Variants in EPB41L3 observed in about 807,000 individuals in gnomAD.
EPB41L3 encodes the protein band 4.1-like protein 3.
Under a neutral mutation model 127.1 loss-of-function variants are expected in EPB41L3, and 57 were observed. The ratio of observed to expected loss-of-function variants is 0.45; its 90% CI spans 0.36 to 0.56. EPB41L3 has a LOEUF of 0.56. Ranked by LOEUF, EPB41L3 falls within the 20% of genes least tolerant of loss-of-function variation. EPB41L3 has a pLI of 0.00. For synonymous variants in EPB41L3, 572 were observed against 549.5 expected, an observed-to-expected ratio of 1.04 and a Z score of -0.57; for missense variants, 1,273 against 1,372.2, an observed-to-expected ratio of 0.93 and a Z score of 1.14.
At chr18:5,603,126 A>G (rs138565061) in intron 3 of EPB41L3, among the ~76,000 whole-genome samples, 58 of 152,300 alleles carry the variant, frequency 3.8e-4, no homozygotes, top group South Asian at 1.2e-3. Flanking sequence ...AATACTTTGA[A>G]AGGGAGACTT....
At chr18:5,538,331 A>G (rs2093629941) in intron 1 of EPB41L3, among the ~76,000 whole-genome samples, 2 of 152,254 alleles carry the variant, frequency 1.3e-5, no homozygotes, top group African/African-American at 2.4e-5. Flanking sequence ...TGTCTCCAGG[A>G]TTTTCTCCAA....
intron 1 of EPB41L3, among the ~76,000 whole-genome samples, chr18:5,520,003 A>T (rs2092921731): frequency 6.6e-6 from 1 of 152,200 alleles, no homozygotes; most frequent in Admixed American, 6.5e-5. Context: ...TTGCTTTTTG[A>T]CGCAACCCAA....
At chr18:5,394,617 G>A (rs2073021220) in intron 22 of EPB41L3, 60 bp downstream of exon 22, 2 of 1,254,682 alleles carry the variant, frequency 1.6e-6, no homozygotes, top group Non-Finnish European at 2.3e-6. Flanking sequence ...GGATGAGAGG[G>A]AAGTGCCCCA....
chr18:5,466,879 T>C (rs1333125625), intron 3 of EPB41L3, among the ~76,000 whole-genome samples: 1 of 152,162 alleles, frequency 6.6e-6, no homozygotes, highest in Non-Finnish European at 1.5e-5. Context: ...CAGCAGTACT[T>C]CCACAAAAAG....
In EPB41L3 at chr18:5,397,295, C is replaced by A; in HGVS notation, c.2604G>T (p.Gly868=). 2 of 1,614,044 alleles carry A rather than the reference C, an allele frequency of 1.2e-6. No individual in the cohort carries two copies. Among genetic ancestry groups the A allele is most frequent in the South Asian group, 2.2e-5 (2 of 91,074 alleles). ...TGTCTCCCGCCGAGTAAGAAGCATC[C>A]CCACTCGCGTGCACCACACGCCGCT... ...VEERRVVHAS[G]DASYSAGDSG... is the part of the protein sequence containing the mutation. Residue 868 remains glycine, a synonymous_variant, in exon 18 of 23, where the codon GGG becomes GGT. Coordinates refer to ENST00000341928, the MANE Select transcript of EPB41L3 (RefSeq NM_012307.5). This position sits in a 1 kb window ranked among gnomAD's most constrained non-coding sequence, Gnocchi z 4.1.
intron 5 of EPB41L3, among the ~76,000 whole-genome samples, chr18:5,439,252 A>G (rs1462092258): frequency 6.6e-6 from 1 of 152,048 alleles, no homozygotes; most frequent in East Asian, 1.9e-4. Context: ...CCCTTACTCT[A>G]GGATTCTGAC....
chr18:5,453,625 C>T (rs2082596115), intron 3 of EPB41L3, among the ~76,000 whole-genome samples: 1 of 152,160 alleles, frequency 6.6e-6, no homozygotes, highest in Non-Finnish European at 1.5e-5. Flanking sequence ...CTGTCTACAC[C>T]GTAAGTACTT....
At chr18:5,594,054 A>C (rs1256726575) in intron 3 of EPB41L3, among the ~76,000 whole-genome samples, 3 of 152,196 alleles carry the variant, frequency 2.0e-5, no homozygotes, top group African/African-American at 7.2e-5. Context: ...CATCCTCCTC[A>C]GCTGACAGGA....
chr18:5,445,866 G>T (rs773204131), intron 3 of EPB41L3, among the ~76,000 whole-genome samples: 1 of 152,118 alleles, frequency 6.6e-6, no homozygotes. Context: ...TAGGTTGCGC[G>T]CTCCTTATGA....
intron 8 of EPB41L3, among the ~76,000 whole-genome samples, chr18:5,432,242 T>TC (rs1445965338): frequency 6.6e-6 from 1 of 152,142 alleles, no homozygotes; most frequent in Non-Finnish European, 1.5e-5. Flanking sequence ...CTGCAATGGG[T>TC]CCGCAGGGGT....
chr18:5,599,642 TC>T (rs1197842210), intron 3 of EPB41L3, among the ~76,000 whole-genome samples: 1 of 152,084 alleles, frequency 6.6e-6, no homozygotes, highest in Non-Finnish European at 1.5e-5. Flanking sequence ...TGTTGCACCT[TC>T]CCCCTTGCTC....
chr18:5,565,753 A>G (rs1202765884), intron 3 of EPB41L3, among the ~76,000 whole-genome samples: 1 of 151,738 alleles, frequency 6.6e-6, no homozygotes, highest in African/African-American at 2.4e-5. Flanking sequence ...TTTGCTGAGA[A>G]TCTGAGAATA....
chr18:5,464,028 C>T (rs1420012782), intron 3 of EPB41L3, among the ~76,000 whole-genome samples: 1 of 151,874 alleles, frequency 6.6e-6, no homozygotes, highest in African/African-American at 2.4e-5. Context: ...GCCCATGGGT[C>T]CCAGGGCTTT....
chr18:5,539,919 A>C, intron 1 of EPB41L3, among the ~76,000 whole-genome samples: 1 of 152,232 alleles, frequency 6.6e-6, no homozygotes, highest in Non-Finnish European at 1.5e-5. Flanking sequence ...TCTTCTACTT[A>C]TGAAACACCT....
intron 2 of EPB41L3, chr18:5,614,207 G>A (rs540436612): frequency 6.6e-6 from 1 of 152,184 alleles, no homozygotes; most frequent in South Asian, 2.1e-4. Flanking sequence ...GTATGCAATA[G>A]TTGTACAGAA....
intron 3 of EPB41L3, among the ~76,000 whole-genome samples, chr18:5,606,988 G>A (rs1295209365): frequency 6.6e-6 from 1 of 151,776 alleles, no homozygotes; most frequent in Non-Finnish European, 1.5e-5. Flanking sequence ...GAAAAAAAGG[G>A]TGAATAACAT....
chr18:5,488,933 C>G, intron 2 of EPB41L3, 68 bp downstream of exon 2: 1 of 1,487,718 alleles, frequency 6.7e-7, no homozygotes, highest in Non-Finnish European at 8.8e-7. Context: ...GCTAAGAGAC[C>G]AAGGTTAAAG....
intron 3 of EPB41L3, among the ~76,000 whole-genome samples, chr18:5,605,707 G>A (rs555365118): frequency 1.9e-3 from 283 of 152,226 alleles, no homozygotes; most frequent in African/African-American, 6.7e-3. Flanking sequence ...TACAAGGTGT[G>A]AGACACTAGG....
At chr18:5,528,233 A>G (rs1621335) in intron 1 of EPB41L3, among the ~76,000 whole-genome samples, 29,862 of 151,998 alleles carry the variant, frequency 0.2, 3,065 homozygotes, top group African/African-American at 0.23. Flanking sequence ...CAGTGGTGCA[A>G]TCATAGCTCA....
Sources: allele counts gnomAD v4.1 joint callset (sites outside exome capture counted in the v4.1 genomes callset), GRCh38; gene constraint gnomAD v4.1.1; non-coding constraint Gnocchi (gnomAD v3.1); transcripts MANE v1.5; gene names NCBI Gene and HGNC (gene_info 2026-07-23, HGNC 2026-07-21).